Variants in CEACAM6 observed in about 807,000 individuals in gnomAD.
CEACAM6 encodes cell adhesion molecule CEACAM6.
A neutral mutation model predicts 32.4 loss-of-function variants in CEACAM6; 21 were observed. The observed-to-expected ratio is 0.65, with a 90% confidence interval of 0.46 to 0.93. The LOEUF (loss-of-function observed/expected upper bound fraction) is 0.93. Among genes scored for constraint, CEACAM6 ranks in the 40% least tolerant of loss-of-function variants. The pLI, the probability that CEACAM6 is intolerant of heterozygous loss-of-function variation, is 0.00. For synonymous variants in CEACAM6, 184 were observed against 174.4 expected (o/e 1.06, Z -0.43); for missense variants, 406 against 432.2 (o/e 0.94, Z 0.54).
intron 5 of CEACAM6, among the ~76,000 whole-genome samples, chr19:41,770,255 CAAAAA>C (rs1158293587): frequency 7.4e-5 from 3 of 40,536 alleles, no homozygotes; most frequent in African/African-American, 1.4e-4. Context: ...GCTAAAAATA[CAAAAA>C]AAAAAAAAAA....
chr19:41,768,797 G>A (rs917580999), intron 5 of CEACAM6, among the ~76,000 whole-genome samples: 2 of 152,136 alleles, frequency 1.3e-5, no homozygotes, highest in African/African-American at 2.4e-5. Flanking sequence ...TTCCCAGTAG[G>A]GGCGGCCGGG....
rs563023476 is a variant in CEACAM6, at chr19:41,758,793, C to T, written c.424+1834C>T. ...CTAACAAGGCTGGCTGTCCTGTTCC[C>T]TTCCTGCTCACACTGTGTCCTGGCC... On this transcript the variant is annotated intron_variant, in intron 2 of 5. Transcript: ENST00000199764. Among the ~76,000 whole-genome samples, 12 of 152,332 alleles carry T rather than the reference C, an allele frequency of 7.9e-5. No homozygotes were observed. The East Asian group carries it at 2.3e-3, about 29-fold the overall frequency.
At position 41,762,102 on chromosome 19, in the gene CEACAM6, A is replaced by C; in HGVS notation, c.837A>C (p.Gln279His). The change falls in exon 4 of 6, where the codon CAA becomes CAC. Residue 279 changes from glutamine to histidine, a missense_variant. Coordinates refer to ENST00000199764, the MANE Select transcript of CEACAM6 (RefSeq NM_002483.7). ...YSWFINGTFQ[Q>H]STQELFIPNI... is the part of the protein sequence containing the mutation. Reference sequence around the variant, plus strand: ...GGTTTATCAATGGGACGTTCCAGCAATCCACACAAGAGCTCTTTATCCCCA... The same window carrying C: ...GGTTTATCAATGGGACGTTCCAGCACTCCACACAAGAGCTCTTTATCCCCA... The C allele has an allele frequency of 1.2e-6, 2 of 1,614,178 alleles. No individual in the cohort carries two copies. The highest frequency in any genetic ancestry group is 1.7e-6 in the Non-Finnish European group (2 of 1,180,036).
At chr19:41,763,133 C>T (rs2072936812) in intron 4 of CEACAM6, among the ~76,000 whole-genome samples, 1 of 152,174 alleles carries the variant, frequency 6.6e-6, no homozygotes, top group Non-Finnish European at 1.5e-5. Flanking sequence ...CCTTTTCAAC[C>T]CTTCCACGTG....
intron 5 of CEACAM6, among the ~76,000 whole-genome samples, chr19:41,769,947 T>G (rs568358000): frequency 5.3e-5 from 8 of 150,698 alleles, no homozygotes; most frequent in African/African-American, 1.9e-4. Context: ...AAAACACTGG[T>G]TATATTACCC....
chr19:41,757,761 G>C (rs368311879), intron 2 of CEACAM6: 1 of 152,192 alleles, frequency 6.6e-6, no homozygotes. Context: ...CTGTTCACTT[G>C]GGCAGCTCCT....
At position 41,761,350 on chromosome 19, in the gene CEACAM6, T is replaced by C; in HGVS notation, c.526T>C (p.Tyr176His). ...TCEPEVQNTT[Y>H]LWWVNGQSLP... is the part of the protein sequence containing the mutation. Reference sequence around the variant, plus strand: ...TGAACCTGAGGTTCAGAACACAACCTACCTGTGGTGGGTAAATGGTCAGAG... The same window carrying C: ...TGAACCTGAGGTTCAGAACACAACCCACCTGTGGTGGGTAAATGGTCAGAG... Residue 176 changes from tyrosine to histidine, a missense_variant, in exon 3 of 6, where the codon TAC (tyrosine) becomes CAC (histidine). By Grantham distance (83) the Tyr-to-His change is moderately conservative. Coordinates refer to ENST00000199764, the MANE Select transcript of CEACAM6 (RefSeq NM_002483.7). 1 of 1,614,212 alleles carries C rather than the reference T, an allele frequency of 6.2e-7. No homozygotes were observed. The highest frequency in any genetic ancestry group is 8.5e-7 in the Non-Finnish European group (1 of 1,180,038).
Position 41,771,940 on chromosome 19 carries a change from T to C in CEACAM6, c.*1179T>C, listed in dbSNP as rs1293193045. 6.6e-6 allele frequency: 1 copy of C among 151,258 alleles called. No homozygotes were observed. Among genetic ancestry groups the C allele is most frequent in the Admixed American group, 6.6e-5 (1 of 15,206 alleles). The allele number at this position is 151,258 out of a possible 1,614,324, so 9.4% of individuals were successfully genotyped here. A position where few individuals can be genotyped will look rare whatever the true frequency, so the allele number is the denominator to read the frequency against. On this transcript the variant is annotated 3_prime_UTR_variant, in exon 6 of 6. Transcript: ENST00000199764. ...TCCAATTAAAAAAAATTAAAACCAA[T>C]TTAAAAAAAAAAAGAACACAGGAGA...
At chr19:41,763,036 G>A (rs1466636757) in intron 4 of CEACAM6, among the ~76,000 whole-genome samples, 1 of 152,164 alleles carries the variant, frequency 6.6e-6, no homozygotes. Context: ...TGGGGACTCT[G>A]CATGGCAGGG....
intron 4 of CEACAM6, 39 bp downstream of exon 4, chr19:41,762,262 G>A (rs1188323615): frequency 2.5e-6 from 4 of 1,595,006 alleles, no homozygotes; most frequent in Non-Finnish European, 3.4e-6. Flanking sequence ...ACATTTTCAG[G>A]TGGAGTCTGG....
At chr19:41,759,828 A>C (rs2072912066) in intron 2 of CEACAM6, among the ~76,000 whole-genome samples, 1 of 152,196 alleles carries the variant, frequency 6.6e-6, no homozygotes, top group Non-Finnish European at 1.5e-5. Context: ...TTTTCAAAGC[A>C]AATTACAACA....
intron 4 of CEACAM6, 39 bp from the exon 5 acceptor site, chr19:41,766,144 A>C: frequency 6.7e-7 from 1 of 1,488,000 alleles, no homozygotes; most frequent in South Asian, 1.2e-5. Flanking sequence ...CCACTGTAGA[A>C]TAACATCACC....
chr19:41,761,042 CTG>C (rs369203647), intron 2 of CEACAM6, among the ~76,000 whole-genome samples: 10 of 152,360 alleles, frequency 6.6e-5, no homozygotes, highest in African/African-American at 2.4e-4. Context: ...TTGAGAAAGA[CTG>C]TGCTTCTCCC....
At chr19:41,770,255 CA>C (rs1158293587) in intron 5 of CEACAM6, among the ~76,000 whole-genome samples, 120 of 40,522 alleles carry the variant, frequency 3.0e-3, no homozygotes, top group East Asian at 7.8e-3. Context: ...GCTAAAAATA[CA>C]AAAAAAAAAA....
chr19:41,768,168 G>A (rs1212489373), intron 5 of CEACAM6, among the ~76,000 whole-genome samples: 2 of 152,134 alleles, frequency 1.3e-5, no homozygotes, highest in African/African-American at 2.4e-5. Flanking sequence ...ATAGTGGAGG[G>A]AAGGTCAGCA....
In CEACAM6 at chr19:41,771,937, C is replaced by T. The variant is rs1555823017; in HGVS notation, c.*1176C>T. The T allele has an allele frequency of 6.6e-6, 1 of 151,150 alleles. No individual in the cohort carries two copies. Among genetic ancestry groups the T allele is most frequent in the Admixed American group, 6.6e-5 (1 of 15,232 alleles). 9.4% of individuals were successfully genotyped at this position (151,150 alleles called of 1,614,324 possible). A position where few individuals can be genotyped will look rare whatever the true frequency, so the allele number is the denominator to read the frequency against. ...AGATCCAATTAAAAAAAATTAAAACCAATTTAAAAAAAAAAAGAACACAGG... is the reference window on the plus strand; with the variant it reads ...AGATCCAATTAAAAAAAATTAAAACTAATTTAAAAAAAAAAAGAACACAGG... On this transcript the variant is annotated 3_prime_UTR_variant, in exon 6 of 6. Transcript: ENST00000199764.
intron 5 of CEACAM6, among the ~76,000 whole-genome samples, chr19:41,768,404 A>G (rs1186832933): frequency 1.3e-5 from 2 of 152,224 alleles, no homozygotes; most frequent in Non-Finnish European, 2.9e-5. Flanking sequence ...TTCAGAGAGC[A>G]CAAGTTTGGG....
At position 41,761,329 on chromosome 19, in the gene CEACAM6, C is replaced by A. The variant is rs1005427634; in HGVS notation, c.505C>A (p.Pro169Thr). 2.5e-6 allele frequency: 4 copies of A among 1,614,208 alleles called. No individual in the cohort carries two copies. The highest frequency in any genetic ancestry group is 3.4e-6 in the Non-Finnish European group (4 of 1,180,036). The change falls in exon 3 of 6, where the codon CCT becomes ACT. Residue 169 changes from proline (P) to threonine (T), a missense_variant. Pro to Thr is a conservative substitution (Grantham distance 38). Coordinates refer to ENST00000199764, the MANE Select transcript of CEACAM6 (RefSeq NM_002483.7). Reference protein sequence around the residue: ...DKDAVAFTCEPEVQNTTYLWW... With the variant: ...DKDAVAFTCETEVQNTTYLWW... ...GGATGCTGTGGCCTTCACCTGTGAA[C>A]CTGAGGTTCAGAACACAACCTACCT...
In CEACAM6 at chr19:41,761,520, T is replaced by C; in HGVS notation, c.696T>C (p.Asn232=). 5.0e-6 allele frequency: 8 copies of C among 1,614,066 alleles called. No homozygotes were observed. Among genetic ancestry groups the C allele is most frequent in the Non-Finnish European group, 6.8e-6 (8 of 1,179,934 alleles). ...ACCGCAGTGACCCAGTCACCCTGAA[T>C]GTCCTCTGTGAGTATCTTCTGTTCC... ...SANRSDPVTL[N]VLYGPDVPTI... is the part of the protein sequence containing the mutation. Residue 232 remains asparagine (N), a synonymous_variant, in exon 3 of 6, where the codon AAT becomes AAC. Coordinates refer to ENST00000199764, the MANE Select transcript of CEACAM6 (RefSeq NM_002483.7).
Sources: gnomAD v4.1 joint callset for allele counts (sites outside exome capture counted in the v4.1 genomes callset) on GRCh38, gnomAD v4.1.1 for gene constraint, MANE v1.5 for transcripts, NCBI Gene and HGNC (gene_info 2026-07-23, HGNC 2026-07-21) for gene names.